Variants in KCND3 observed in about 807,000 individuals in gnomAD.
The protein encoded by KCND3 is potassium voltage-gated channel subfamily D member 3.
Under a neutral mutation model 51.1 loss-of-function variants are expected in KCND3, and 9 were observed. The ratio of observed to expected loss-of-function variants is 0.18; its 90% CI spans 0.11 to 0.31. The LOEUF (loss-of-function observed/expected upper bound fraction) is 0.31, where lower values mean the gene tolerates loss of function less well. KCND3 is among the 10% of genes least tolerant of loss of function. The pLI is 1.00. For missense variants in KCND3, 526 were observed against 903.8 expected (o/e 0.58, Z 5.36); for synonymous variants, 349 against 368.0 (o/e 0.95, Z 0.59).
At chr1:111,830,279 G>A (rs1184841483) in intron 2 of KCND3, among the ~76,000 whole-genome samples, 1 of 152,174 alleles carries the variant, frequency 6.6e-6, no homozygotes, top group East Asian at 1.9e-4. Context: ...GCTCCTCATA[G>A]CCTTCCAGAT....
intron 2 of KCND3, among the ~76,000 whole-genome samples, chr1:111,974,919 A>C (rs1674543115): frequency 6.6e-6 from 1 of 152,206 alleles, no homozygotes; most frequent in Non-Finnish European, 1.5e-5. Context: ...TCAGAAGACA[A>C]ATTCAAAGTG....
intron 2 of KCND3, among the ~76,000 whole-genome samples, chr1:111,795,524 C>G (rs574055847): frequency 6.6e-6 from 1 of 152,288 alleles, no homozygotes. Flanking sequence ...AGTTAAGTAA[C>G]GTGCTCAAGA....
chr1:111,773,390 C>T lies in KCND3; in HGVS notation c.*2687G>A, dbSNP rs1663991839. The T allele has an allele frequency of 6.6e-6, 1 of 151,442 alleles. No homozygotes were observed. Among genetic ancestry groups the T allele is most frequent in the African/African-American group, 2.4e-5 (1 of 41,154 alleles). 9.4% of individuals were successfully genotyped at this position (151,442 alleles called of 1,614,324 possible). On this transcript the variant is annotated 3_prime_UTR_variant, in exon 8 of 8. Transcript: ENST00000302127. ...ACAGGAAGTTTGTATGTGTGTGCAA[C>T]CAGTTCTAATTTACCTCCTTTTTTT...
intron 2 of KCND3, among the ~76,000 whole-genome samples, chr1:111,844,297 C>G (rs923968641): frequency 6.6e-6 from 1 of 152,138 alleles, no homozygotes; most frequent in South Asian, 2.1e-4. Flanking sequence ...GTGGGGAGGC[C>G]CCCTCTTTGA....
At chr1:111,776,828 C>T (rs1278434969) in intron 7 of KCND3, among the ~76,000 whole-genome samples, 198 bp downstream of exon 7, 3 of 151,226 alleles carry the variant, frequency 2.0e-5, no homozygotes, top group African/African-American at 4.9e-5. Context: ...TCAGCCTAAA[C>T]TGCTATAGTA....
intron 2 of KCND3, 56 bp from the exon 3 acceptor site, chr1:111,787,162 G>A: frequency 6.4e-7 from 1 of 1,560,678 alleles, no homozygotes; most frequent in Non-Finnish European, 8.8e-7. Context: ...GGGAAACAAG[G>A]CAGGCTTCCC....
chr1:111,937,383 C>T (rs1188978153), intron 2 of KCND3, among the ~76,000 whole-genome samples: 1 of 152,168 alleles, frequency 6.6e-6, no homozygotes, highest in African/African-American at 2.4e-5. Context: ...CTGACCAGCC[C>T]CAGGCGCTTT....
chr1:111,800,252 G>T (rs1290566822), intron 2 of KCND3, among the ~76,000 whole-genome samples: 5 of 103,742 alleles, frequency 4.8e-5, no homozygotes, highest in Non-Finnish European at 9.8e-5. Flanking sequence ...CCCCAACCCT[G>T]TGCTCTCTGA....
chr1:111,894,391 G>T lies in KCND3; in HGVS notation c.1106+87230C>A, dbSNP rs1322844066. On this transcript the variant is annotated intron_variant, in intron 2 of 7. Transcript: ENST00000302127. The stretch of plus-strand genomic sequence containing the variant: ...AGAGAGGCCTTTCCTCATAACCCTG[G>T]TTTAAAGTTGTCTTTCTCTCCCACC... Among the ~76,000 whole-genome samples the T allele has an allele frequency of 2.6e-5, 4 of 152,082 alleles. No individual in the cohort carries two copies. In the South Asian group the frequency reaches 8.3e-4, roughly 32 times the overall value.
In KCND3 at chr1:111,772,435, C is replaced by T. The variant is rs1054960602; in HGVS notation, c.*3642G>A. 6.6e-6 allele frequency: 1 copy of T among 152,162 alleles called. No homozygotes were observed. The highest frequency in any genetic ancestry group is 2.4e-5 in the African/African-American group (1 of 41,430). 9.4% of individuals were successfully genotyped at this position (152,162 alleles called of 1,614,324 possible). ...TGTGTCCAAGTAGTATTGACATATA[C>T]GTATTGACATATAAGACTATGTCTC... On this transcript the variant is annotated 3_prime_UTR_variant, in exon 8 of 8. Transcript: ENST00000302127.
Position 111,771,538 on chromosome 1 carries a change from G to A in KCND3, c.*4539C>T, listed in dbSNP as rs572968572. The A allele has an allele frequency of 3.1e-4, 47 of 152,200 alleles. No homozygotes were observed. The highest frequency in any genetic ancestry group is 9.4e-4 in the African/African-American group (39 of 41,546). The allele number at this position is 152,200 out of a possible 1,614,324, so 9.4% of individuals were successfully genotyped here. On this transcript the variant is annotated 3_prime_UTR_variant, in exon 8 of 8. Coordinates refer to ENST00000302127, the MANE Select transcript of KCND3 (RefSeq NM_001378969.1). ...AAAACTGGAATTCTTTAGTAACCTC[G>A]AAATCTAGTGTTAGCTCAATTTTCA...
intron 2 of KCND3, among the ~76,000 whole-genome samples, chr1:111,819,819 G>A (rs752778557): frequency 1.3e-5 from 2 of 152,130 alleles, no homozygotes; most frequent in Non-Finnish European, 2.9e-5. Flanking sequence ...AATCACGGAG[G>A]GTATATGACT....
chr1:111,814,748 A>G lies in KCND3; in HGVS notation c.1107-27642T>C, dbSNP rs540310233. Among the ~76,000 whole-genome samples, 6 of 152,364 alleles carry G rather than the reference A, an allele frequency of 3.9e-5. No individual in the cohort carries two copies. In the East Asian group the frequency reaches 1.2e-3, roughly 29 times the overall value. ...ACTGACATAAGTTCCCTGTTTCTTCAGATGTCTGGCTTGTGCAGGGGACAC... is the reference window on the plus strand; with the variant it reads ...ACTGACATAAGTTCCCTGTTTCTTCGGATGTCTGGCTTGTGCAGGGGACAC... On this transcript the variant is annotated intron_variant, in intron 2 of 7. Transcript: ENST00000302127.
chr1:111,966,793 A>G (rs1423571704), intron 2 of KCND3, among the ~76,000 whole-genome samples: 5 of 152,112 alleles, frequency 3.3e-5, no homozygotes. Flanking sequence ...GTTCAACACA[A>G]AGAGGAGGTT....
chr1:111,963,866 A>C (rs1286478208), intron 2 of KCND3, among the ~76,000 whole-genome samples: 1 of 152,220 alleles, frequency 6.6e-6, no homozygotes, highest in Non-Finnish European at 1.5e-5. Context: ...CAGCATGCAC[A>C]CAAGGACTTC....
At chr1:111,859,309 T>G (rs565957279) in intron 2 of KCND3, among the ~76,000 whole-genome samples, 1 of 152,296 alleles carries the variant, frequency 6.6e-6, no homozygotes, top group African/African-American at 2.4e-5. Context: ...TGGGCCATCT[T>G]GGTCTCAGCA....
chr1:111,847,214 T>C (rs889515393), intron 2 of KCND3, among the ~76,000 whole-genome samples: 3 of 152,172 alleles, frequency 2.0e-5, no homozygotes, highest in African/African-American at 7.2e-5. Flanking sequence ...GCCATCTTCC[T>C]TCCCATAGTA....
At chr1:111,904,088 G>T (rs1012077317) in intron 2 of KCND3, among the ~76,000 whole-genome samples, 83 of 75,156 alleles carry the variant, frequency 1.1e-3, no homozygotes, top group Admixed American at 3.1e-3. Flanking sequence ...TTGGAGGTTG[G>T]TTTTTTGTTT....
intron 2 of KCND3, among the ~76,000 whole-genome samples, chr1:111,929,518 C>G (rs1159308614): frequency 1.3e-5 from 2 of 152,218 alleles, no homozygotes; most frequent in African/African-American, 2.4e-5. Context: ...GATGCACCTC[C>G]TAATCGAAAC....
Sources: allele counts gnomAD v4.1 joint callset (sites outside exome capture counted in the v4.1 genomes callset), GRCh38; gene constraint gnomAD v4.1.1; transcripts MANE v1.5; gene names NCBI Gene and HGNC (gene_info 2026-07-23, HGNC 2026-07-21).